Variants in EDNRB observed in about 807,000 individuals in gnomAD.
EDNRB encodes the protein endothelin receptor type B.
Under a neutral mutation model 46.4 loss-of-function variants are expected in EDNRB, and 18 were observed. The ratio of observed to expected loss-of-function variants is 0.39; its 90% CI spans 0.27 to 0.57. The LOEUF (loss-of-function observed/expected upper bound fraction) is 0.57. Among genes scored for constraint, EDNRB ranks in the 20% least tolerant of loss-of-function variants. EDNRB has a pLI of 0.61. For synonymous variants in EDNRB, 213 were observed against 204.9 expected (o/e 1.04, Z -0.34); for missense variants, 434 against 537.5 (o/e 0.81, Z 1.90).
chr13:77,930,841 G>T (rs1184963799), intron 1 of EDNRB, among the ~76,000 whole-genome samples: 32 of 152,176 alleles, frequency 2.1e-4, no homozygotes, highest in Admixed American at 2.1e-3. Flanking sequence ...GGTCTTTGAG[G>T]AGTTTAACAC....
chr13:77,904,626 A>G lies in EDNRB; in HGVS notation c.484-1019T>C, dbSNP rs1383466976. Among the ~76,000 whole-genome samples, 4 of 151,272 alleles carry G rather than the reference A, an allele frequency of 2.6e-5. No homozygotes were observed. The South Asian group carries it at 6.3e-4, about 24-fold the overall frequency. On this transcript the variant is annotated intron_variant, in intron 1 of 6. Transcript: ENST00000646607. Reference sequence around the variant, plus strand: ...AGTATGTTATATATATATAGTGTGTATATATGTACACGTATATATTTCTCT... The same window carrying G: ...AGTATGTTATATATATATAGTGTGTGTATATGTACACGTATATATTTCTCT...
At chr13:77,958,720 T>C (rs1411172090) in intron 1 of EDNRB, among the ~76,000 whole-genome samples, 2 of 152,234 alleles carry the variant, frequency 1.3e-5, no homozygotes, top group African/African-American at 2.4e-5. Context: ...CTTTGCTTTA[T>C]ATTAATGAGA....
At chr13:77,900,782 GC>G in intron 4 of EDNRB, 128 bp from the exon 5 acceptor site, 2 of 1,356,774 alleles carry the variant, frequency 1.5e-6, no homozygotes, top group Non-Finnish European at 2.1e-6. Flanking sequence ...AGGACACTGA[GC>G]TTTATATGGA....
chr13:77,954,277 TC>T (rs1881171115), intron 1 of EDNRB, among the ~76,000 whole-genome samples: 1 of 152,092 alleles, frequency 6.6e-6, no homozygotes, highest in Non-Finnish European at 1.5e-5. Flanking sequence ...TTATAAAAAC[TC>T]CTTATATGCC....
intron 1 of EDNRB, among the ~76,000 whole-genome samples, chr13:77,964,310 A>G (rs779028304): frequency 2.6e-5 from 4 of 152,226 alleles, no homozygotes; most frequent in African/African-American, 4.8e-5. Context: ...TGCTATAAAG[A>G]CACATGCTAT....
At chr13:77,939,496 C>T (rs1368751771) in intron 1 of EDNRB, 1 of 152,180 alleles carries the variant, frequency 6.6e-6, no homozygotes, top group Non-Finnish European at 1.5e-5. Flanking sequence ...ATACTTTCTT[C>T]ATAAATTCAT....
chr13:77,960,499 G>T (rs545999748), intron 1 of EDNRB, among the ~76,000 whole-genome samples: 1 of 152,228 alleles, frequency 6.6e-6, no homozygotes, highest in South Asian at 2.1e-4. Flanking sequence ...GAGAGATTTT[G>T]TCACACCAGG....
At chr13:77,915,887 G>A (rs141990555) in intron 1 of EDNRB, among the ~76,000 whole-genome samples, 5 of 152,332 alleles carry the variant, frequency 3.3e-5, no homozygotes, top group African/African-American at 9.6e-5. Context: ...TCAGGGAAAA[G>A]GATGTAACTT....
chr13:77,969,634 C>G (rs1815392867), intron 1 of EDNRB, among the ~76,000 whole-genome samples: 1 of 152,130 alleles, frequency 6.6e-6, no homozygotes, highest in Admixed American at 6.5e-5. Flanking sequence ...CCCCTGTTCA[C>G]AAGGAAAGTC....
intron 1 of EDNRB, among the ~76,000 whole-genome samples, chr13:77,936,924 A>C (rs1287369119): frequency 6.6e-6 from 1 of 152,198 alleles, no homozygotes; most frequent in Non-Finnish European, 1.5e-5. Context: ...ATTGTAACTC[A>C]GAAATGCATT....
chr13:77,902,714 A>T (rs1214046301), intron 3 of EDNRB, among the ~76,000 whole-genome samples: 5 of 152,032 alleles, frequency 3.3e-5, no homozygotes, highest in Admixed American at 6.6e-5. Flanking sequence ...GGAACTAGCT[A>T]CATCAGGGAT....
chr13:77,968,969 T>TA (rs2137693368), intron 1 of EDNRB, among the ~76,000 whole-genome samples: 1 of 152,302 alleles, frequency 6.6e-6, no homozygotes, highest in East Asian at 1.9e-4. Flanking sequence ...AGGAGATACT[T>TA]AGAGTTACTT....
chr13:77,925,791 G>C (rs1209072595), intron 1 of EDNRB, among the ~76,000 whole-genome samples: 1 of 152,156 alleles, frequency 6.6e-6, no homozygotes, highest in Non-Finnish European at 1.5e-5. Context: ...CCGTCCTCCA[G>C]ACCCCAGAGT....
intron 1 of EDNRB, among the ~76,000 whole-genome samples, chr13:77,964,704 C>A (rs1449117826): frequency 6.6e-6 from 1 of 152,026 alleles, no homozygotes; most frequent in African/African-American, 2.4e-5. Context: ...GTGTAGCACA[C>A]CAACACGGCA....
intron 1 of EDNRB, among the ~76,000 whole-genome samples, chr13:77,950,258 C>T (rs1181442141): frequency 1.3e-5 from 2 of 152,334 alleles, no homozygotes; most frequent in East Asian, 3.9e-4. Flanking sequence ...CATGTACTCT[C>T]ACAGTGACTT....
upstream of EDNRB, among the ~76,000 whole-genome samples, chr13:77,922,135 T>G (rs567357082): frequency 9.2e-5 from 14 of 152,180 alleles, no homozygotes; most frequent in South Asian, 1.7e-3. Context: ...TTTTTTTTTT[T>G]GGCTAGGTAA....
chr13:77,947,781 T>A (rs1194413977), intron 1 of EDNRB: 1 of 66,676 alleles, frequency 1.5e-5, no homozygotes, highest in Non-Finnish European at 2.8e-5. Context: ...GCTAATTAAT[T>A]TTTTTTTTTT....
chr13:77,911,908 A>G (rs530316925), intron 1 of EDNRB, among the ~76,000 whole-genome samples: 18 of 152,278 alleles, frequency 1.2e-4, no homozygotes, highest in African/African-American at 4.3e-4. Flanking sequence ...AGAATGTTTC[A>G]CATCATAAAT....
At chr13:77,911,288 C>T (rs1016281651) in intron 1 of EDNRB, among the ~76,000 whole-genome samples, 1 of 151,964 alleles carries the variant, frequency 6.6e-6, no homozygotes, top group African/African-American at 2.4e-5. Flanking sequence ...ATTCAACAAA[C>T]CTTATTAAGT....
Sources: allele counts gnomAD v4.1 joint callset (sites outside exome capture counted in the v4.1 genomes callset), GRCh38; gene constraint gnomAD v4.1.1; transcripts MANE v1.5; gene names NCBI Gene and HGNC (gene_info 2026-07-23, HGNC 2026-07-21).